The following FGF14 variants were observed in gnomAD, a reference collection of about 807,000 sequenced individuals.
FGF14 encodes fibroblast growth factor homologous factor 4.
Under a neutral mutation model 25.5 loss-of-function variants are expected in FGF14, and 5 were observed. The observed-to-expected ratio is 0.20, with a 90% CI of 0.10 to 0.41. FGF14 has a LOEUF of 0.41. Among genes scored for constraint, FGF14 ranks in the 10% least tolerant of loss-of-function variants. The probability of loss-of-function intolerance (pLI) is 1.00; values close to 1 mark genes in which losing one functional copy is unlikely to be tolerated. For missense variants in FGF14, 222 were observed against 320.1 expected (o/e 0.69, Z 2.34); for synonymous variants, 138 against 118.3 (o/e 1.17, Z -1.08).
chr13:101,934,568 T>G (rs962586443), intron 1 of FGF14, among the ~76,000 whole-genome samples: 4 of 152,224 alleles, frequency 2.6e-5, no homozygotes, highest in African/African-American at 9.6e-5. Flanking sequence ...TTTACCTAAG[T>G]TATTTACTTT....
intron 1 of FGF14, among the ~76,000 whole-genome samples, chr13:102,136,674 A>AG (rs2046425429): frequency 6.6e-6 from 1 of 152,068 alleles, no homozygotes; most frequent in South Asian, 2.1e-4. Context: ...AAAAAAAAAA[A>AG]AAACCTGAGA....
chr13:102,107,449 T>C (rs569956023), intron 1 of FGF14, among the ~76,000 whole-genome samples: 11 of 152,226 alleles, frequency 7.2e-5, no homozygotes, highest in African/African-American at 2.6e-4. Flanking sequence ...GTGAGTAAAA[T>C]TTGATTCAAC....
intron 3 of FGF14, among the ~76,000 whole-genome samples, chr13:101,738,944 ATG>A (rs200237269): frequency 1.3e-3 from 109 of 84,104 alleles, no homozygotes; most frequent in African/African-American, 3.1e-3. Context: ...TATATATTGT[ATG>A]TGTGTGTGTG....
intron 1 of FGF14, among the ~76,000 whole-genome samples, chr13:102,156,233 C>T (rs1027317509): frequency 5.9e-5 from 9 of 152,266 alleles, no homozygotes; most frequent in East Asian, 1.9e-4. Context: ...ACCAATATCC[C>T]TGATGAACAT....
intron 1 of FGF14, among the ~76,000 whole-genome samples, chr13:102,066,610 G>A (rs2042914074): frequency 6.6e-6 from 1 of 152,160 alleles, no homozygotes; most frequent in Non-Finnish European, 1.5e-5. Flanking sequence ...ATAACCTTCT[G>A]AATTTCCAAA....
chr13:101,859,467 T>C (rs1304919304), intron 3 of FGF14, among the ~76,000 whole-genome samples: 4 of 152,128 alleles, frequency 2.6e-5, no homozygotes, highest in Non-Finnish European at 5.9e-5. Context: ...TTCGCACATG[T>C]TGTACAATAG....
chr13:101,765,801 C>T (rs998642192), intron 3 of FGF14, among the ~76,000 whole-genome samples: 1 of 152,034 alleles, frequency 6.6e-6, no homozygotes, highest in Non-Finnish European at 1.5e-5. Flanking sequence ...GCGATCTCGG[C>T]TCACTGCAAC....
intron 1 of FGF14, among the ~76,000 whole-genome samples, chr13:101,965,342 C>A (rs975897867): frequency 1.3e-5 from 2 of 151,938 alleles, no homozygotes; most frequent in Non-Finnish European, 2.9e-5. Flanking sequence ...GCACAAAGAT[C>A]TCCATGAGTC....
chr13:101,896,619 T>C (rs919990425), intron 1 of FGF14, among the ~76,000 whole-genome samples: 3 of 152,202 alleles, frequency 2.0e-5, no homozygotes, highest in African/African-American at 7.2e-5. Context: ...TCCTGTCACT[T>C]AGGGATGAAG....
At chr13:102,067,447 G>A (rs1244609771) in intron 1 of FGF14, among the ~76,000 whole-genome samples, 2 of 151,700 alleles carry the variant, frequency 1.3e-5, no homozygotes, top group Admixed American at 1.3e-4. Flanking sequence ...AATATATTGA[G>A]CTTCCCATTT....
In FGF14 at chr13:102,400,393, G is replaced by A. The variant is rs905479259; in HGVS notation, c.208+1078C>T. On this transcript the variant is annotated intron_variant, in intron 1 of 4. Transcript: ENST00000376131. The surrounding 1 kb of genome is among the most constrained non-coding windows in gnomAD (Gnocchi z 4.3). The stretch of plus-strand genomic sequence containing the variant: ...CCGGCCCCGGGTCCCTCTCCACCCT[G>A]AACGGAGCTAGGGGACGCCACACAC... Among the ~76,000 whole-genome samples the A allele has an allele frequency of 1.3e-5, 2 of 152,184 alleles. No individual in the cohort carries two copies. The highest frequency in any genetic ancestry group is 2.9e-5 in the Non-Finnish European group (2 of 68,040).
In FGF14 at chr13:102,229,256, T is replaced by C. The variant is rs148493400; in HGVS notation, c.208+172215A>G. On this transcript the variant is annotated intron_variant, in intron 1 of 4. Transcript: ENST00000376131. The stretch of plus-strand genomic sequence containing the variant: ...CTCTGTTGTCCTAATTTCATTTAAA[T>C]CATGCAACCAACAAGAGTATTAATA... Among the ~76,000 whole-genome samples, 719 of 152,278 alleles carry C rather than the reference T, an allele frequency of 4.7e-3. 1 individual carries two copies. The highest frequency in any genetic ancestry group is 0.016 in the African/African-American group (670 of 41,554).
chr13:102,194,100 A>G (rs1004832437), intron 1 of FGF14, among the ~76,000 whole-genome samples: 1 of 152,208 alleles, frequency 6.6e-6, no homozygotes, highest in African/African-American at 2.4e-5. Context: ...CATATAAATT[A>G]TTTAAAAAAT....
In FGF14 at chr13:101,996,922, C is replaced by T. The variant is rs571789938; in HGVS notation, c.209-121626G>A. Among the ~76,000 whole-genome samples, 17 of 152,312 alleles carry T rather than the reference C, an allele frequency of 1.1e-4. No individual in the cohort carries two copies. The South Asian group carries it at 3.5e-3, about 32-fold the overall frequency. On this transcript the variant is annotated intron_variant, in intron 1 of 4. Coordinates refer to the FGF14 transcript ENST00000376131. Reference sequence around the variant, plus strand: ...TTATAAAACAAGTGTAGGAAGGGTGCTCTCTGATGCCTGGCATATTCCTGC... The same window carrying T: ...TTATAAAACAAGTGTAGGAAGGGTGTTCTCTGATGCCTGGCATATTCCTGC...
At chr13:102,144,127 C>G (rs1174960847) in intron 1 of FGF14, among the ~76,000 whole-genome samples, 8 of 152,148 alleles carry the variant, frequency 5.3e-5, no homozygotes, top group Non-Finnish European at 1.0e-4. Flanking sequence ...GTGGTCCTCC[C>G]ACCTCAGCCT....
intron 1 of FGF14, among the ~76,000 whole-genome samples, chr13:101,915,778 C>G (rs909707335): frequency 3.9e-5 from 6 of 152,218 alleles, no homozygotes; most frequent in Non-Finnish European, 8.8e-5. Flanking sequence ...CTGCCCCCCG[C>G]TCCCCGCAAT....
At chr13:102,277,713 T>C (rs2053617157) in intron 1 of FGF14, among the ~76,000 whole-genome samples, 8 of 152,262 alleles carry the variant, frequency 5.3e-5, no homozygotes, top group Admixed American at 5.2e-4. Context: ...AGCCAACTAC[T>C]GAACTCTGCT....
At chr13:102,266,267 C>T (rs910607829) in intron 1 of FGF14, among the ~76,000 whole-genome samples, 1 of 151,950 alleles carries the variant, frequency 6.6e-6, no homozygotes, top group South Asian at 2.1e-4. Flanking sequence ...TTTTGTTTTC[C>T]CATTAAAACT....
intron 1 of FGF14, among the ~76,000 whole-genome samples, chr13:102,311,179 G>A (rs2055747591): frequency 6.6e-6 from 1 of 152,170 alleles, no homozygotes; most frequent in African/African-American, 2.4e-5. Flanking sequence ...TTAAGGGTGT[G>A]AAGAAAGATG....
Sources: allele counts gnomAD v4.1 joint callset (sites outside exome capture counted in the v4.1 genomes callset), GRCh38; gene constraint gnomAD v4.1.1; non-coding constraint Gnocchi (gnomAD v3.1); transcripts MANE v1.5; gene names NCBI Gene and HGNC (gene_info 2026-07-23, HGNC 2026-07-21).